ARHGAP10: variants seen among roughly 807,000 people sequenced by gnomAD.
ARHGAP10 encodes the protein Rho GTPase activating protein 10, also known as rho GTPase-activating protein 10.
In ARHGAP10, 87 loss-of-function variants were observed where a neutral mutation model predicts 108.6. The ratio of observed to expected loss-of-function variants is 0.80; its 90% CI spans 0.67 to 0.96. ARHGAP10 has a LOEUF of 0.96. Ranked by LOEUF, ARHGAP10 falls within the 40% of genes least tolerant of loss-of-function variation. ARHGAP10 has a pLI of 0.00. For synonymous variants in ARHGAP10, 347 were observed against 341.1 expected (o/e 1.02, Z -0.19); for missense variants, 939 against 954.5 (o/e 0.98, Z 0.21).
At chr4:147,924,458 A>G (rs1177681319) in intron 13 of ARHGAP10, among the ~76,000 whole-genome samples, 2 of 152,146 alleles carry the variant, frequency 1.3e-5, no homozygotes, top group East Asian at 1.9e-4. Flanking sequence ...ACTTTATTCT[A>G]TCCTTACAAT....
intron 18 of ARHGAP10, among the ~76,000 whole-genome samples, chr4:148,022,396 G>A (rs928434619): frequency 1.3e-5 from 2 of 152,178 alleles, no homozygotes; most frequent in African/African-American, 2.4e-5. Context: ...TGGAGATGCA[G>A]CTTCTATTAG....
intron 18 of ARHGAP10, among the ~76,000 whole-genome samples, chr4:147,967,591 A>C (rs1261018459): frequency 6.6e-6 from 1 of 152,160 alleles, no homozygotes; most frequent in African/African-American, 2.4e-5. Context: ...ACTAGAAATA[A>C]GTACTGTTTA....
chr4:148,017,650 A>G lies in ARHGAP10; in HGVS notation c.1717-5613A>G, dbSNP rs1298661556. On this transcript the variant is annotated intron_variant, in intron 18 of 22. Coordinates refer to ENST00000336498, the MANE Select transcript of ARHGAP10 (RefSeq NM_024605.4). ...AGAGCTGTGACAGTTATGAGCCAGTAACTATATATATATATATATATATAT... is the reference window on the plus strand; with the variant it reads ...AGAGCTGTGACAGTTATGAGCCAGTGACTATATATATATATATATATATAT... 2.1e-4 allele frequency among the ~76,000 whole-genome samples: 24 copies of G among 114,950 alleles called. No individual in the cohort carries two copies. The Admixed American group carries it at 2.1e-3, about 10-fold the overall frequency. The allele number at this position is 114,950 out of a possible 152,430, so 75.4% of individuals were successfully genotyped here. A position where few individuals can be genotyped will look rare whatever the true frequency, so the allele number is the denominator to read the frequency against.
intron 4 of ARHGAP10, among the ~76,000 whole-genome samples, chr4:147,854,209 T>G (rs1030979737): frequency 2.6e-5 from 4 of 152,234 alleles, no homozygotes; most frequent in Admixed American, 6.5e-5. Flanking sequence ...CTTATAAATT[T>G]TGTTTGGCTT....
intron 3 of ARHGAP10, among the ~76,000 whole-genome samples, chr4:147,827,361 T>C (rs1732751875): frequency 6.6e-6 from 1 of 152,168 alleles, no homozygotes; most frequent in Non-Finnish European, 1.5e-5. Context: ...AAGAGCTAAT[T>C]AAATAGCCTA....
chr4:147,904,510 AC>A (rs1405521489), intron 10 of ARHGAP10, among the ~76,000 whole-genome samples: 1 of 150,678 alleles, frequency 6.6e-6, no homozygotes, highest in African/African-American at 2.4e-5. Context: ...GTGATAGTTT[AC>A]TGATAATGAT....
At chr4:147,782,921 TATATA>T (rs1730598584) in intron 1 of ARHGAP10, among the ~76,000 whole-genome samples, 1 of 139,834 alleles carries the variant, frequency 7.2e-6, no homozygotes, top group Non-Finnish European at 1.6e-5. Context: ...ATATATAAAT[TATATA>T]ATATATAAAA....
intron 16 of ARHGAP10, among the ~76,000 whole-genome samples, chr4:147,963,408 CCTT>C (rs762236696): frequency 3.3e-5 from 5 of 152,216 alleles, no homozygotes; most frequent in Non-Finnish European, 5.9e-5. Context: ...CCGTTTCTAA[CCTT>C]CTTTTCTGTC....
chr4:147,899,240 CACT>C (rs1030823943), intron 10 of ARHGAP10, among the ~76,000 whole-genome samples: 2 of 151,998 alleles, frequency 1.3e-5, no homozygotes, highest in African/African-American at 4.8e-5. Context: ...GTTAAAATTC[CACT>C]GTTTTCTTTG....
intron 9 of ARHGAP10, among the ~76,000 whole-genome samples, chr4:147,881,195 C>G (rs763863489): frequency 1.3e-5 from 2 of 151,936 alleles, no homozygotes; most frequent in Non-Finnish European, 2.9e-5. Context: ...GTTGCTTGAA[C>G]CCAGGATTCG....
chr4:148,016,983 TA>T (rs767261865), intron 18 of ARHGAP10, among the ~76,000 whole-genome samples: 2,151 of 112,600 alleles, frequency 0.019, 41 homozygotes, highest in African/African-American at 0.053. Flanking sequence ...TCATCTCTAT[TA>T]AAAAAAAAAA....
At chr4:147,871,755 T>C (rs567132253) in intron 7 of ARHGAP10, among the ~76,000 whole-genome samples, 23 of 152,372 alleles carry the variant, frequency 1.5e-4, no homozygotes, top group African/African-American at 5.3e-4. Flanking sequence ...TTAGCCATTC[T>C]ATTGATTTTA....
chr4:147,851,848 A>G (rs913549615), intron 4 of ARHGAP10, among the ~76,000 whole-genome samples: 1 of 152,166 alleles, frequency 6.6e-6, no homozygotes, highest in Non-Finnish European at 1.5e-5. Context: ...GTGTCCTGGG[A>G]TGTACTCTAC....
At chr4:147,868,405 T>G (rs182256957) in intron 7 of ARHGAP10, among the ~76,000 whole-genome samples, 1 of 152,108 alleles carries the variant, frequency 6.6e-6, no homozygotes, top group East Asian at 1.9e-4. Context: ...CCCAGCTAAT[T>G]TTTTTTCTTT....
rs750028793 is a variant in ARHGAP10 at position 148,047,042 on chromosome 4, C to T, written c.2018C>T (p.Ala673Val). 3.7e-6 allele frequency: 6 copies of T among 1,614,130 alleles called. No individual in the cohort carries two copies. In the South Asian group the frequency reaches 6.6e-5, roughly 18 times the overall value. The change falls in exon 20 of 23, where the codon GCA (alanine) becomes GTA (valine). Residue 673 changes from alanine (A) to valine (V), a missense_variant. Coordinates refer to ENST00000336498, the MANE Select transcript of ARHGAP10 (RefSeq NM_024605.4). ...GATGGAGGGAGCTTTGGAGACTGGG[C>T]ATCCACTATGTAAGTAACCGTGCTT... ...LADGGSFGDW[A>V]STIPGQTRSS...
intron 19 of ARHGAP10, among the ~76,000 whole-genome samples, chr4:148,024,813 C>T (rs1436926699): frequency 2.0e-5 from 3 of 152,168 alleles, no homozygotes; most frequent in Non-Finnish European, 4.4e-5. Flanking sequence ...ATTGCACCTT[C>T]TCTTACACCT....
intron 4 of ARHGAP10, among the ~76,000 whole-genome samples, chr4:147,851,675 A>ATG (rs1257509472): frequency 2.0e-5 from 3 of 152,382 alleles, no homozygotes; most frequent in Non-Finnish European, 4.4e-5. Context: ...TTCAGTAATA[A>ATG]AACACACTAG....
At chr4:147,789,388 C>T (rs1220121595) in intron 1 of ARHGAP10, among the ~76,000 whole-genome samples, 1 of 152,228 alleles carries the variant, frequency 6.6e-6, no homozygotes, top group African/African-American at 2.4e-5. Context: ...CTCCCCGGTT[C>T]AAGCGATTCT....
intron 20 of ARHGAP10, among the ~76,000 whole-genome samples, chr4:148,062,395 C>T (rs796552539): frequency 3.9e-5 from 6 of 152,282 alleles, no homozygotes; most frequent in Middle Eastern, 3.4e-3. Flanking sequence ...ACAGGGAACA[C>T]GTGTGTGTTC....
Sources: allele counts gnomAD v4.1 joint callset (sites outside exome capture counted in the v4.1 genomes callset), GRCh38; gene constraint gnomAD v4.1.1; transcripts MANE v1.5; gene names NCBI Gene and HGNC (gene_info 2026-07-23, HGNC 2026-07-21).